CHIC2: variants seen among roughly 807,000 people sequenced by gnomAD.
The protein encoded by CHIC2 is cysteine-rich hydrophobic domain-containing protein 2.
Under a neutral mutation model 25.9 loss-of-function variants are expected in CHIC2, and 14 were observed. The observed-to-expected ratio is 0.54, with a 90% CI of 0.36 to 0.85. CHIC2 has a LOEUF of 0.85. Ranked by LOEUF, CHIC2 falls within the 40% of genes least tolerant of loss-of-function variation. CHIC2 has a pLI of 0.01. For synonymous variants in CHIC2, 70 were observed against 72.0 expected, an observed-to-expected ratio of 0.97 and a Z score of 0.14; for missense variants, 146 against 202.0, an observed-to-expected ratio of 0.72 and a Z score of 1.68.
chr4:54,014,885 T>C (rs958852619), intron 3 of CHIC2, among the ~76,000 whole-genome samples: 31 of 152,228 alleles, frequency 2.0e-4, no homozygotes, highest in Admixed American at 2.0e-3. Context: ...GGTGCAAAAA[T>C]GACAGTGTTG....
At chr4:54,050,271 G>A (rs1023379937) in intron 1 of CHIC2, among the ~76,000 whole-genome samples, 2 of 151,970 alleles carry the variant, frequency 1.3e-5, no homozygotes, top group Admixed American at 6.6e-5. Context: ...GTTTTGAAGG[G>A]GGGACTCCAA....
chr4:54,082,228 T>C, the CHIC2 span, among the ~76,000 whole-genome samples: 1 of 152,244 alleles, frequency 6.6e-6, no homozygotes, highest in South Asian at 2.1e-4. Context: ...TGGAGGTGGA[T>C]AAGACAGAAC....
the CHIC2 span, chr4:54,087,359 T>C: frequency 8.8e-6 from 5 of 569,720 alleles, no homozygotes; most frequent in Non-Finnish European, 1.6e-5. Flanking sequence ...GAAGCAGCTG[T>C]TTTAACTCCC....
the CHIC2 span, among the ~76,000 whole-genome samples, chr4:54,074,081 C>T: frequency 6.6e-6 from 1 of 152,002 alleles, no homozygotes; most frequent in African/African-American, 2.4e-5. Context: ...TCGCTTGAAC[C>T]CGGGAGGCGG....
At chr4:54,015,573 A>G (rs1004248390) in intron 3 of CHIC2, among the ~76,000 whole-genome samples, 5 of 152,080 alleles carry the variant, frequency 3.3e-5, no homozygotes, top group African/African-American at 9.7e-5. Context: ...CTAGCCCCCA[A>G]GCTTTGTTAA....
intron 3 of CHIC2, among the ~76,000 whole-genome samples, chr4:54,014,406 AATTCCC>A (rs1276375179): frequency 6.6e-6 from 1 of 152,174 alleles, no homozygotes; most frequent in Non-Finnish European, 1.5e-5. Context: ...AATAAAATTA[AATTCCC>A]ACTTCTTTCA....
chr4:54,043,918 G>T (rs971129914), intron 3 of CHIC2, among the ~76,000 whole-genome samples: 1 of 152,136 alleles, frequency 6.6e-6, no homozygotes, highest in African/African-American at 2.4e-5. Flanking sequence ...CATCTCACGT[G>T]CAGAGACACA....
upstream of CHIC2, among the ~76,000 whole-genome samples, chr4:54,065,842 C>A (rs1717506467): frequency 6.6e-6 from 1 of 152,160 alleles, no homozygotes. Context: ...TGAGAGATGC[C>A]AACCTCCTTT....
chr4:54,072,244 G>T, the CHIC2 span, among the ~76,000 whole-genome samples: 1 of 151,782 alleles, frequency 6.6e-6, no homozygotes, highest in Non-Finnish European at 1.5e-5. Context: ...GGAGCTTGCA[G>T]TGAGCCGAGA....
At chr4:54,032,705 T>TA (rs1467631873) in intron 3 of CHIC2, among the ~76,000 whole-genome samples, 4 of 151,870 alleles carry the variant, frequency 2.6e-5, no homozygotes, top group African/African-American at 9.7e-5. Flanking sequence ...AACCCAAAAT[T>TA]ATAGTCAATC....
chr4:54,066,519 ATATGC>A (rs1717523416), upstream of CHIC2, among the ~76,000 whole-genome samples: 1 of 151,994 alleles, frequency 6.6e-6, no homozygotes, highest in African/African-American at 2.4e-5. Context: ...AGATGCTATG[ATATGC>A]TATATTTCAG....
At chr4:54,033,072 A>T (rs1429392717) in intron 3 of CHIC2, among the ~76,000 whole-genome samples, 1 of 152,190 alleles carries the variant, frequency 6.6e-6, no homozygotes, top group Non-Finnish European at 1.5e-5. Context: ...CACCATGATT[A>T]TAAGCTGAGT....
At chr4:54,036,442 A>G (rs529513843) in intron 3 of CHIC2, among the ~76,000 whole-genome samples, 1 of 152,326 alleles carries the variant, frequency 6.6e-6, no homozygotes, top group Middle Eastern at 3.4e-3. Context: ...GATGAAAGGC[A>G]GCAGGCATCT....
At chr4:54,054,656 G>C (rs961579792) in intron 1 of CHIC2, among the ~76,000 whole-genome samples, 1 of 152,210 alleles carries the variant, frequency 6.6e-6, no homozygotes, top group Admixed American at 6.5e-5. Flanking sequence ...TGGCTAATTA[G>C]ATCACAAGTG....
chr4:54,016,454 T>C (rs1715742801), intron 3 of CHIC2, among the ~76,000 whole-genome samples: 1 of 152,142 alleles, frequency 6.6e-6, no homozygotes, highest in African/African-American at 2.4e-5. Context: ...AATTCTGAAT[T>C]TCTTCTCTGT....
the CHIC2 span, among the ~76,000 whole-genome samples, chr4:54,084,759 G>T: frequency 6.6e-6 from 1 of 151,954 alleles, no homozygotes; most frequent in Non-Finnish European, 1.5e-5. Flanking sequence ...GGCCAACATG[G>T]TAAAACCCCA....
intron 3 of CHIC2, among the ~76,000 whole-genome samples, chr4:54,035,557 T>C (rs1389563344): frequency 1.3e-5 from 2 of 152,170 alleles, no homozygotes; most frequent in Non-Finnish European, 2.9e-5. Flanking sequence ...TTACTATCTT[T>C]AAAACCTCTT....
intron 1 of CHIC2, among the ~76,000 whole-genome samples, chr4:54,057,294 T>C (rs530069159): frequency 6.6e-6 from 1 of 152,320 alleles, no homozygotes; most frequent in Non-Finnish European, 1.5e-5. Context: ...CTAAATTTCA[T>C]TCTAATTCCT....
the CHIC2 span, among the ~76,000 whole-genome samples, chr4:54,072,118 C>T: frequency 6.6e-6 from 1 of 151,952 alleles, no homozygotes; most frequent in Non-Finnish European, 1.5e-5. Context: ...CATGGTGAAA[C>T]TCCATCTCCA....
Sources: gnomAD v4.1 joint callset for allele counts (sites outside exome capture counted in the v4.1 genomes callset) on GRCh38, gnomAD v4.1.1 for gene constraint, MANE v1.5 for transcripts, NCBI Gene and HGNC (gene_info 2026-07-23, HGNC 2026-07-21) for gene names.